ATF6: variants seen among roughly 807,000 people sequenced by gnomAD.
ATF6 encodes the protein cyclic AMP-dependent transcription factor ATF-6 alpha.
Under a neutral mutation model 83.6 loss-of-function variants are expected in ATF6, and 53 were observed. That is an observed-to-expected ratio of 0.63 (90% CI 0.51 to 0.80). The LOEUF (loss-of-function observed/expected upper bound fraction) is 0.80, where lower values mean the gene tolerates loss of function less well. Ranked by LOEUF, ATF6 falls within the 30% of genes least tolerant of loss-of-function variation. The probability of loss-of-function intolerance (pLI) is 0.00; values close to 1 mark genes in which losing one functional copy is unlikely to be tolerated. For synonymous variants in ATF6, 288 were observed against 285.8 expected (o/e 1.01, Z -0.08); for missense variants, 744 against 797.9 (o/e 0.93, Z 0.81).
chr1:161,825,599 G>A (rs1487604663), intron 9 of ATF6, among the ~76,000 whole-genome samples: 1 of 152,160 alleles, frequency 6.6e-6, no homozygotes, highest in African/African-American at 2.4e-5. Flanking sequence ...GATATGTGGG[G>A]CAAGCTAAAT....
chr1:161,870,605 T>A (rs552727247), intron 14 of ATF6, among the ~76,000 whole-genome samples: 2 of 151,950 alleles, frequency 1.3e-5, no homozygotes, highest in South Asian at 4.1e-4. Context: ...TCAAACTCCT[T>A]GTTAAATGTG....
At chr1:161,876,195 A>G (rs1174271680) in intron 14 of ATF6, among the ~76,000 whole-genome samples, 1 of 151,988 alleles carries the variant, frequency 6.6e-6, no homozygotes, top group African/African-American at 2.4e-5. Flanking sequence ...CTTGGGGCTC[A>G]TACTGAATAA....
chr1:161,907,390 A>G (rs1311255469), intron 14 of ATF6, among the ~76,000 whole-genome samples: 2 of 152,214 alleles, frequency 1.3e-5, no homozygotes, highest in Non-Finnish European at 2.9e-5. Context: ...CCTATATTGG[A>G]AAACCAAACC....
intron 1 of ATF6, among the ~76,000 whole-genome samples, chr1:161,772,531 T>C (rs904177744): frequency 1.3e-5 from 2 of 152,194 alleles, no homozygotes; most frequent in Admixed American, 1.3e-4. Context: ...GTTTGCTTTC[T>C]CTTTTGTTGG....
At chr1:161,948,858 G>A (rs1266791806) in intron 15 of ATF6, among the ~76,000 whole-genome samples, 1 of 152,210 alleles carries the variant, frequency 6.6e-6, no homozygotes, top group Non-Finnish European at 1.5e-5. Flanking sequence ...GTAAACACTT[G>A]AATGTACTCA....
intron 15 of ATF6, among the ~76,000 whole-genome samples, chr1:161,914,150 A>C (rs1009486463): frequency 6.6e-6 from 1 of 152,182 alleles, no homozygotes; most frequent in South Asian, 2.1e-4. Flanking sequence ...AAATTCAAGA[A>C]ATATTGATTG....
chr1:161,783,978 C>T lies in ATF6; in HGVS notation c.248-12C>T. On this transcript the variant is annotated splice_polypyrimidine_tract_variant and intron_variant, in intron 3 of 15. Transcript: ENST00000367942. ...TGTCCAGTGGGTAAAACCTTTCCTC[C>T]ATGTTTTCCAGTTAAAGATATTAAG... 6.4e-7 allele frequency: 1 copy of T among 1,562,834 alleles called. No homozygotes were observed. The highest frequency in any genetic ancestry group is 1.4e-5 in the African/African-American group (1 of 73,840).
chr1:161,814,204 A>G (rs1235656575), intron 7 of ATF6, among the ~76,000 whole-genome samples: 1 of 152,182 alleles, frequency 6.6e-6, no homozygotes, highest in East Asian at 1.9e-4. Flanking sequence ...ATTTCTGAAG[A>G]CACGTGAAGC....
At chr1:161,773,408 T>C (rs901282194) in intron 1 of ATF6, among the ~76,000 whole-genome samples, 41 of 152,122 alleles carry the variant, frequency 2.7e-4, no homozygotes, top group African/African-American at 8.7e-4. Context: ...CCCAAAGTGC[T>C]GAGATTACAG....
At chr1:161,946,802 TA>T (rs1688756978) in intron 15 of ATF6, among the ~76,000 whole-genome samples, 1 of 152,212 alleles carries the variant, frequency 6.6e-6, no homozygotes, top group South Asian at 2.1e-4. Context: ...TTTTAGTTTC[TA>T]AAACAAATGA....
At chr1:161,935,181 G>C (rs555909326) in intron 15 of ATF6, among the ~76,000 whole-genome samples, 2 of 152,172 alleles carry the variant, frequency 1.3e-5, no homozygotes, top group Non-Finnish European at 2.9e-5. Context: ...AATGCAGAGA[G>C]AGACAGACAG....
intron 9 of ATF6, among the ~76,000 whole-genome samples, chr1:161,825,983 AC>A (rs1685885854): frequency 6.6e-6 from 1 of 152,112 alleles, no homozygotes. Context: ...TGCTCTTCTT[AC>A]CCCCTATCAC....
At chr1:161,782,865 C>T (rs950746540) in intron 3 of ATF6, among the ~76,000 whole-genome samples, 2 of 152,136 alleles carry the variant, frequency 1.3e-5, no homozygotes, top group Non-Finnish European at 2.9e-5. Flanking sequence ...CTATGGGTCA[C>T]GAATTTTGAC....
At chr1:161,803,152 G>T (rs941461070) in intron 7 of ATF6, among the ~76,000 whole-genome samples, 3 of 152,154 alleles carry the variant, frequency 2.0e-5, no homozygotes, top group African/African-American at 7.2e-5. Context: ...AATCCTGTGG[G>T]TTATGCAAGG....
chr1:161,812,090 A>G (rs150005266), intron 7 of ATF6, among the ~76,000 whole-genome samples: 4 of 152,292 alleles, frequency 2.6e-5, no homozygotes, highest in African/African-American at 9.6e-5. Flanking sequence ...TAAGATGGCT[A>G]ATATTAATAA....
chr1:161,883,676 T>G lies in ATF6; in HGVS notation c.1719+20364T>G, dbSNP rs189129023. Among the ~76,000 whole-genome samples, 259 of 152,152 alleles carry G rather than the reference T, an allele frequency of 1.7e-3. 3 individuals carry two copies. In the Middle Eastern group the frequency reaches 0.017, roughly 10 times the overall value. ...CATAAAAGCAGTCTTTAGTGTTATC[T>G]TAGAAGCATTAAAACACACACATAT... On this transcript the variant is annotated intron_variant, in intron 14 of 15. Transcript: ENST00000367942.
In ATF6 at chr1:161,893,643, CTT is replaced by C. The variant is rs1230666610; in HGVS notation, c.1720-18649_1720-18648del. Among the ~76,000 whole-genome samples, 423 of 152,232 alleles carry C rather than the reference CTT, an allele frequency of 2.8e-3. 1 individual carries two copies. The highest frequency in any genetic ancestry group is 9.9e-3 in the African/African-American group (410 of 41,560). On this transcript the variant is annotated intron_variant, in intron 14 of 15. Transcript: ENST00000367942. ...CCTTCCCCTTCAAGTAAAAAGAGTT[CTT>C]TTTATTTTCCCTGTAAGGTGTTCTA... is the stretch of plus-strand genomic sequence containing the variant.
At chr1:161,929,876 G>T (rs567851114) in intron 15 of ATF6, among the ~76,000 whole-genome samples, 1 of 152,180 alleles carries the variant, frequency 6.6e-6, no homozygotes, top group African/African-American at 2.4e-5. Context: ...GACCCATTTG[G>T]TCTGTGCAGG....
chr1:161,851,091 C>G (rs1686606698), intron 10 of ATF6, among the ~76,000 whole-genome samples: 1 of 151,890 alleles, frequency 6.6e-6, no homozygotes, highest in South Asian at 2.1e-4. Context: ...CTTTTCAACT[C>G]TTTCACTTTT....
Sources: gnomAD v4.1 joint callset for allele counts (sites outside exome capture counted in the v4.1 genomes callset) on GRCh38, gnomAD v4.1.1 for gene constraint, MANE v1.5 for transcripts, NCBI Gene and HGNC (gene_info 2026-07-23, HGNC 2026-07-21) for gene names.